Variants in MCUB observed in about 807,000 individuals in gnomAD.
MCUB encodes mitochondrial calcium uniporter dominant negative subunit beta, also known as calcium uniporter regulatory subunit MCUb, mitochondrial.
MCUB carries 46 observed loss-of-function variants against 41.4 expected under a neutral mutation model. The ratio of observed to expected loss-of-function variants is 1.11; its 90% CI spans 0.88 to 1.42. The LOEUF is 1.42. Among genes scored for constraint, MCUB ranks in the 40% most tolerant of loss-of-function variants. The pLI, the probability that MCUB is intolerant of heterozygous loss-of-function variation, is 0.00. For synonymous variants in MCUB, 148 were observed against 148.2 expected (o/e 1.00, Z 0.01); for missense variants, 403 against 404.9 (o/e 1.00, Z 0.04).
chr4:109,674,090 TG>T, intron 4 of MCUB: 1 of 1,459,218 alleles, frequency 6.9e-7, no homozygotes, highest in Non-Finnish European at 9.6e-7. Context: ...GGCTATTCCA[TG>T]TATCGGGAAT....
intron 1 of MCUB, among the ~76,000 whole-genome samples, chr4:109,608,195 T>G (rs1321962262): frequency 6.6e-6 from 1 of 152,218 alleles, no homozygotes; most frequent in Non-Finnish European, 1.5e-5. Flanking sequence ...TTCTTCAGTA[T>G]GTCCATTGTA....
chr4:109,618,637 G>A (rs777251095), intron 1 of MCUB, among the ~76,000 whole-genome samples: 2 of 152,176 alleles, frequency 1.3e-5, no homozygotes, highest in Non-Finnish European at 2.9e-5. Flanking sequence ...AGCCTGGTGT[G>A]ACAGATTATA....
At chr4:109,648,172 A>G (rs1444443937) in intron 1 of MCUB, among the ~76,000 whole-genome samples, 1 of 152,214 alleles carries the variant, frequency 6.6e-6, no homozygotes, top group Non-Finnish European at 1.5e-5. Flanking sequence ...TCTGGGTTGT[A>G]GTCCTTCGTT....
chr4:109,568,676 C>T (rs13131088), intron 1 of MCUB, among the ~76,000 whole-genome samples: 14,892 of 152,088 alleles, frequency 0.098, 784 homozygotes, highest in Middle Eastern at 0.18. Flanking sequence ...TTTTTCAGCC[C>T]CACAATACTT....
intron 1 of MCUB, among the ~76,000 whole-genome samples, chr4:109,576,896 G>C (rs1038166210): frequency 6.6e-6 from 1 of 152,064 alleles, no homozygotes; most frequent in Non-Finnish European, 1.5e-5. Flanking sequence ...TTGTTGCCCA[G>C]GCTGGAGTGC....
chr4:109,611,034 A>G (rs1297147030), intron 1 of MCUB, among the ~76,000 whole-genome samples: 1 of 152,234 alleles, frequency 6.6e-6, no homozygotes, highest in Non-Finnish European at 1.5e-5. Flanking sequence ...GTATACAGAA[A>G]AGAGGTAGCC....
At chr4:109,672,089 T>A (rs1330264449) in intron 4 of MCUB, among the ~76,000 whole-genome samples, 1 of 151,902 alleles carries the variant, frequency 6.6e-6, no homozygotes, top group African/African-American at 2.4e-5. Flanking sequence ...TATATATATA[T>A]TTTTAATTGG....
At chr4:109,575,254 CT>C (rs1727000124) in intron 1 of MCUB, among the ~76,000 whole-genome samples, 1 of 152,190 alleles carries the variant, frequency 6.6e-6, no homozygotes, top group African/African-American at 2.4e-5. Flanking sequence ...TACCATCTGC[CT>C]TCCCCACCAA....
intron 1 of MCUB, among the ~76,000 whole-genome samples, chr4:109,579,560 C>T (rs1273669588): frequency 6.6e-6 from 1 of 152,142 alleles, no homozygotes; most frequent in Non-Finnish European, 1.5e-5. Context: ...TAGCATTAGG[C>T]AGGTTTTGCA....
intron 1 of MCUB, among the ~76,000 whole-genome samples, chr4:109,619,561 G>C (rs143657185): frequency 6.6e-5 from 10 of 152,120 alleles, no homozygotes; most frequent in African/African-American, 2.2e-4. Flanking sequence ...ACAAAATTTA[G>C]CAGGGCATGG....
At chr4:109,589,572 C>T (rs148730447) in intron 1 of MCUB, among the ~76,000 whole-genome samples, 8 of 152,272 alleles carry the variant, frequency 5.3e-5, no homozygotes, top group Non-Finnish European at 8.8e-5. Context: ...GATGTGGAAA[C>T]GGAGACACAG....
At position 109,684,469 on chromosome 4, in the gene MCUB, G is replaced by A. The variant is rs1470190217; in HGVS notation, c.639G>A (p.Ser213=). The change falls in exon 6 of 8, where the codon TCG becomes TCA. Residue 213 remains serine (S), a synonymous_variant. Coordinates refer to ENST00000394650, the MANE Select transcript of MCUB (RefSeq NM_017918.5). The stretch of plus-strand genomic sequence containing the variant: ...TGAAAGCTGGAATAGAAGCTCATTC[G>A]GAAGCCAAAACCAGTGGACTCCTGT... ...EQVKAGIEAH[S]EAKTSGLLWA... 7 of 1,612,002 alleles carry A rather than the reference G, an allele frequency of 4.3e-6. No individual in the cohort carries two copies. Among genetic ancestry groups the A allele is most frequent in the East Asian group, 2.2e-5 (1 of 44,808 alleles).
At chr4:109,636,366 G>A (rs1415595982) in intron 1 of MCUB, among the ~76,000 whole-genome samples, 4 of 152,180 alleles carry the variant, frequency 2.6e-5, no homozygotes, top group Admixed American at 6.5e-5. Flanking sequence ...TTGAAGCAAC[G>A]TGACTAGATG....
At chr4:109,665,032 A>G (rs968155439) in intron 4 of MCUB, among the ~76,000 whole-genome samples, 1 of 152,126 alleles carries the variant, frequency 6.6e-6, no homozygotes, top group Non-Finnish European at 1.5e-5. Context: ...TGCTCTCTGC[A>G]CCCCACGCCC....
intron 1 of MCUB, among the ~76,000 whole-genome samples, chr4:109,634,861 C>T (rs528307897): frequency 3.0e-3 from 464 of 152,178 alleles, no homozygotes; most frequent in African/African-American, 0.011. Flanking sequence ...CATGCAGGTT[C>T]GTTACATAGG....
intron 3 of MCUB, among the ~76,000 whole-genome samples, chr4:109,660,944 T>C (rs17440280): frequency 0.38 from 57,307 of 152,054 alleles, 11,085 homozygotes; most frequent in African/African-American, 0.45. Context: ...TGAGAAAATC[T>C]TAGTGGCACA....
Position 109,685,385 on chromosome 4 carries a change from C to CT in MCUB, c.933+20dup, listed in dbSNP as rs1412197752. 1 of 1,057,854 alleles carries CT rather than the reference C, an allele frequency of 9.5e-7. No individual in the cohort carries two copies. The highest frequency in any genetic ancestry group is 1.5e-6 in the Non-Finnish European group (1 of 678,788). The allele number at this position is 1,057,854 out of a possible 1,614,324, so 65.5% of individuals were successfully genotyped here. On this transcript the variant is annotated intron_variant, in intron 7 of 7. Transcript: ENST00000394650. Reference sequence around the variant, plus strand: ...TTGCTAAGGTATACTACAAATACATCTTATAGCTGGTTTGTTTGGGAGCCA... The same window carrying CT: ...TTGCTAAGGTATACTACAAATACATCTTTATAGCTGGTTTGTTTGGGAGCCA...
At chr4:109,589,869 A>G (rs1230990199) in intron 1 of MCUB, among the ~76,000 whole-genome samples, 1 of 152,182 alleles carries the variant, frequency 6.6e-6, no homozygotes, top group Non-Finnish European at 1.5e-5. Flanking sequence ...AGGAATCCTC[A>G]CACTTCTTTA....
At chr4:109,634,960 AC>A (rs1728556756) in intron 1 of MCUB, among the ~76,000 whole-genome samples, 1 of 150,980 alleles carries the variant, frequency 6.6e-6, no homozygotes, top group South Asian at 2.1e-4. Context: ...TAGCCCCCCA[AC>A]CCCCTGATAG....
Sources: gnomAD v4.1 joint callset for allele counts (sites outside exome capture counted in the v4.1 genomes callset) on GRCh38, gnomAD v4.1.1 for gene constraint, MANE v1.5 for transcripts, NCBI Gene and HGNC (gene_info 2026-07-23, HGNC 2026-07-21) for gene names.